Variants in CSTPP1 observed in about 807,000 individuals in gnomAD.
CSTPP1 encodes centriolar satellite-associated tubulin polyglutamylase complex regulator 1.
chr11:46,987,487 C>A, the CSTPP1 span: 1 of 488,478 alleles, frequency 2.0e-6, no homozygotes, highest in Non-Finnish European at 3.5e-6. Context: ...TTTGGTGCAG[C>A]TAGTTTGTCC....
the CSTPP1 span, chr11:47,042,049 T>A: frequency 1.1e-5 from 2 of 175,266 alleles, 1 homozygote; most frequent in South Asian, 1.5e-4. Context: ...AAAAATTTTT[T>A]TAAATAGACA....
chr11:47,157,016 G>A, the CSTPP1 span: 8 of 1,613,222 alleles, frequency 5.0e-6, no homozygotes, highest in Non-Finnish European at 5.9e-6. Context: ...CACCCCCACG[G>A]TTCCAGAATT....
At chr11:46,958,098 A>G in the CSTPP1 span, among the ~76,000 whole-genome samples, 1 of 152,222 alleles carries the variant, frequency 6.6e-6, no homozygotes, top group Non-Finnish European at 1.5e-5. Context: ...CTTTATAATG[A>G]ATGATCTACT....
chr11:46,951,347 A>T, the CSTPP1 span, among the ~76,000 whole-genome samples: 1 of 149,864 alleles, frequency 6.7e-6, no homozygotes, highest in Non-Finnish European at 1.5e-5. Flanking sequence ...TCCAGGCTGA[A>T]GTGCAGTGGC....
the CSTPP1 span, among the ~76,000 whole-genome samples, chr11:47,139,538 G>A: frequency 3.3e-5 from 5 of 152,266 alleles, no homozygotes; most frequent in East Asian, 9.7e-4. Context: ...GCCTGGCGTG[G>A]TGGCAGGCAC....
At chr11:47,143,565 G>C in the CSTPP1 span, among the ~76,000 whole-genome samples, 1 of 152,160 alleles carries the variant, frequency 6.6e-6, no homozygotes, top group Non-Finnish European at 1.5e-5. Flanking sequence ...GTGTGAGCTG[G>C]AAAAACAGGA....
chr11:46,974,819 C>T, the CSTPP1 span, among the ~76,000 whole-genome samples: 1 of 150,604 alleles, frequency 6.6e-6, no homozygotes, highest in Non-Finnish European at 1.5e-5. Context: ...CATGCCACTG[C>T]ATTCCAGTCT....
the CSTPP1 span, among the ~76,000 whole-genome samples, chr11:46,978,062 A>G: frequency 1.3e-5 from 2 of 152,234 alleles, no homozygotes; most frequent in Non-Finnish European, 2.9e-5. Context: ...ACAGTTTATA[A>G]ATAGTGGATA....
At chr11:46,997,477 T>C in the CSTPP1 span, among the ~76,000 whole-genome samples, 688 of 152,320 alleles carry the variant, frequency 4.5e-3, 25 homozygotes, top group Non-Finnish European at 7.2e-4. Flanking sequence ...TCAAGGTTTT[T>C]AGCTTCTTTG....
At chr11:47,093,790 A>G in the CSTPP1 span, among the ~76,000 whole-genome samples, 1 of 152,226 alleles carries the variant, frequency 6.6e-6, no homozygotes, top group African/African-American at 2.4e-5. Flanking sequence ...ATGCATGAGA[A>G]TTGTCTCACA....
At chr11:47,059,271 A>G in the CSTPP1 span, among the ~76,000 whole-genome samples, 1 of 152,224 alleles carries the variant, frequency 6.6e-6, no homozygotes, top group East Asian at 1.9e-4. Flanking sequence ...ACGTATACCT[A>G]TGTAACAAGC....
the CSTPP1 span, among the ~76,000 whole-genome samples, chr11:46,984,014 C>T: frequency 6.6e-6 from 1 of 152,188 alleles, no homozygotes; most frequent in African/African-American, 2.4e-5. Flanking sequence ...GTTCTAACTT[C>T]ACACAAATGC....
At chr11:47,157,958 C>T in the CSTPP1 span, 1 of 1,560,794 alleles carries the variant, frequency 6.4e-7, no homozygotes, top group Admixed American at 1.7e-5. Context: ...GCCTCTCCTG[C>T]CGCACAACAC....
At chr11:46,972,284 C>T in the CSTPP1 span, among the ~76,000 whole-genome samples, 1 of 152,250 alleles carries the variant, frequency 6.6e-6, no homozygotes, top group African/African-American at 2.4e-5. Flanking sequence ...GAATATCCTC[C>T]TCCATGATCT....
At chr11:47,153,309 G>A in the CSTPP1 span, among the ~76,000 whole-genome samples, 4 of 152,142 alleles carry the variant, frequency 2.6e-5, no homozygotes, top group African/African-American at 7.2e-5. Context: ...GCTTCTTCCC[G>A]CCCTCCAGCC....
chr11:47,012,076 A>T, the CSTPP1 span, among the ~76,000 whole-genome samples: 3 of 151,752 alleles, frequency 2.0e-5, no homozygotes, highest in Non-Finnish European at 4.4e-5. Flanking sequence ...GGAGTTCAAG[A>T]CCAACCTGGG....
chr11:46,976,210 T>C, the CSTPP1 span, among the ~76,000 whole-genome samples: 1 of 152,162 alleles, frequency 6.6e-6, no homozygotes, highest in Non-Finnish European at 1.5e-5. Context: ...TTATATTCGT[T>C]TTTCTGTGAG....
At chr11:47,138,074 C>T in the CSTPP1 span, 4 of 292,650 alleles carry the variant, frequency 1.4e-5, no homozygotes, top group Admixed American at 4.8e-5. Flanking sequence ...TGTGTTTTCA[C>T]GCTACTGTAA....
chr11:46,939,223 T>A, the CSTPP1 span, among the ~76,000 whole-genome samples: 1 of 150,726 alleles, frequency 6.6e-6, no homozygotes, highest in South Asian at 2.1e-4. Flanking sequence ...CCCTAGTACC[T>A]GGGATTACAG....
Sources: gnomAD v4.1 joint callset for allele counts (sites outside exome capture counted in the v4.1 genomes callset) on GRCh38, gnomAD v4.1.1 for gene constraint, MANE v1.5 for transcripts, NCBI Gene and HGNC (gene_info 2026-07-23, HGNC 2026-07-21) for gene names.